The following EPHA6 variants were observed in gnomAD, a reference collection of about 807,000 sequenced individuals.
The protein encoded by EPHA6 is ephrin type-A receptor 6.
EPHA6 carries 50 observed loss-of-function variants against 112.0 expected under a neutral mutation model. The ratio of observed to expected loss-of-function variants is 0.45; its 90% CI spans 0.36 to 0.56. The LOEUF is 0.56. Ranked by LOEUF, EPHA6 falls within the 20% of genes least tolerant of loss-of-function variation. The pLI, the probability that EPHA6 is intolerant of heterozygous loss-of-function variation, is 0.00. For missense variants in EPHA6, 1,280 were observed against 1,417.4 expected (o/e 0.90, Z 1.56); for synonymous variants, 529 against 490.7 (o/e 1.08, Z -1.03).
chr3:96,840,649 G>A (rs1444257414), intron 1 of EPHA6, among the ~76,000 whole-genome samples: 3 of 152,040 alleles, frequency 2.0e-5, no homozygotes, highest in Non-Finnish European at 4.4e-5. Context: ...TGACACACTG[G>A]GTGAAGGTAC....
At chr3:97,361,845 G>T (rs1226498584) in intron 5 of EPHA6, among the ~76,000 whole-genome samples, 1 of 152,058 alleles carries the variant, frequency 6.6e-6, no homozygotes, top group East Asian at 1.9e-4. Flanking sequence ...GAGTTTTGAA[G>T]GCAATAAACA....
chr3:96,965,548 C>A (rs2042094549), intron 2 of EPHA6, among the ~76,000 whole-genome samples: 1 of 151,988 alleles, frequency 6.6e-6, no homozygotes, highest in African/African-American at 2.4e-5. Context: ...TGCAAGAATT[C>A]TTTATGTAGT....
chr3:97,082,639 A>C (rs1467853072), intron 3 of EPHA6, among the ~76,000 whole-genome samples: 1 of 151,888 alleles, frequency 6.6e-6, no homozygotes, highest in Non-Finnish European at 1.5e-5. Context: ...CGTTAGTATA[A>C]AATTCTACTA....
At chr3:97,488,877 C>A (rs1407172025) in intron 10 of EPHA6, among the ~76,000 whole-genome samples, 1 of 152,144 alleles carries the variant, frequency 6.6e-6, no homozygotes, top group Non-Finnish European at 1.5e-5. Flanking sequence ...TGTGCTTTTA[C>A]TCAATAATTT....
At position 97,405,278 on chromosome 3, in the gene EPHA6, G is replaced by T. The variant is rs758623391; in HGVS notation, c.1731+4G>T. The T allele has an allele frequency of 6.8e-6, 11 of 1,609,892 alleles. No individual in the cohort carries two copies. The highest frequency in any genetic ancestry group is 7.6e-6 in the Non-Finnish European group (9 of 1,177,858). Reference sequence around the variant, plus strand: ...CGAGATCAAGTACTATGAGAAAGTAGGTCTTATTTGGAGCTTCCTATAAAA... The same window carrying T: ...CGAGATCAAGTACTATGAGAAAGTATGTCTTATTTGGAGCTTCCTATAAAA... On this transcript the variant is annotated splice_donor_region_variant and intron_variant, in intron 6 of 17. Transcript: ENST00000389672.
chr3:96,870,079 G>C (rs963950307), intron 2 of EPHA6, among the ~76,000 whole-genome samples: 1 of 151,962 alleles, frequency 6.6e-6, no homozygotes, highest in Admixed American at 6.6e-5. Context: ...TATTGGTCAT[G>C]GTTCTTTAGA....
intron 15 of EPHA6, among the ~76,000 whole-genome samples, chr3:97,727,070 G>A (rs1250186374): frequency 7.2e-5 from 11 of 152,000 alleles, no homozygotes; most frequent in Non-Finnish European, 7.4e-5. Context: ...CCTGGGTATG[G>A]TATCATTTAG....
At chr3:97,264,289 T>C (rs1337464727) in intron 5 of EPHA6, among the ~76,000 whole-genome samples, 1 of 152,052 alleles carries the variant, frequency 6.6e-6, no homozygotes, top group Non-Finnish European at 1.5e-5. Flanking sequence ...AAGCGTGGAG[T>C]GGCAAGAAGC....
intron 3 of EPHA6, among the ~76,000 whole-genome samples, chr3:97,080,479 G>A (rs1192401989): frequency 6.6e-6 from 1 of 152,018 alleles, no homozygotes; most frequent in African/African-American, 2.4e-5. Flanking sequence ...AACTATTTTT[G>A]CAGGAGGCAT....
intron 3 of EPHA6, among the ~76,000 whole-genome samples, chr3:97,058,175 A>G (rs922494617): frequency 2.0e-5 from 3 of 152,166 alleles, no homozygotes; most frequent in Non-Finnish European, 2.9e-5. Context: ...ATGTTTACAT[A>G]TACAAAGGTA....
intron 3 of EPHA6, among the ~76,000 whole-genome samples, chr3:97,213,172 T>A (rs2077926286): frequency 6.6e-6 from 1 of 152,194 alleles, no homozygotes; most frequent in Non-Finnish European, 1.5e-5. Context: ...TCTGGTTTCC[T>A]GTGGTTTCTC....
At chr3:97,473,068 GT>G (rs2091272909) in intron 7 of EPHA6, among the ~76,000 whole-genome samples, 1 of 151,680 alleles carries the variant, frequency 6.6e-6, no homozygotes, top group Admixed American at 6.6e-5. Flanking sequence ...AATGACTGTT[GT>G]TCTTGTTGAA....
At chr3:97,288,062 A>T (rs1261029532) in intron 5 of EPHA6, among the ~76,000 whole-genome samples, 1 of 129,154 alleles carries the variant, frequency 7.7e-6, no homozygotes, top group Non-Finnish European at 1.5e-5. Context: ...GAGACGTAAA[A>T]AAAAAAAAGA....
At chr3:96,866,750 A>T in intron 1 of EPHA6, 75 bp from the exon 2 acceptor site, 5 of 787,790 alleles carry the variant, frequency 6.3e-6, no homozygotes, top group South Asian at 2.3e-5. Flanking sequence ...GATTTTTATT[A>T]TAACTTTAAT....
chr3:97,473,623 T>G (rs982693024), intron 7 of EPHA6, among the ~76,000 whole-genome samples: 2 of 151,888 alleles, frequency 1.3e-5, no homozygotes, highest in Non-Finnish European at 2.9e-5. Context: ...TAATGTTTTT[T>G]GGGTAAATGC....
At chr3:96,848,656 C>T (rs917935317) in intron 1 of EPHA6, among the ~76,000 whole-genome samples, 4 of 151,896 alleles carry the variant, frequency 2.6e-5, no homozygotes, top group African/African-American at 4.8e-5. Flanking sequence ...ATATTTTAAA[C>T]GTTTATTTGA....
Position 97,670,246 on chromosome 3 carries a change from A to T in EPHA6, c.2784+32164A>T, listed in dbSNP as rs2030668282. Among the ~76,000 whole-genome samples, 4 of 152,194 alleles carry T rather than the reference A, an allele frequency of 2.6e-5. No individual in the cohort carries two copies. In the South Asian group the frequency reaches 8.3e-4, roughly 31 times the overall value. On this transcript the variant is annotated intron_variant, in intron 14 of 17. Coordinates refer to ENST00000389672, the MANE Select transcript of EPHA6 (RefSeq NM_001080448.3). ...AAAACACCATAAATACAGCTAGATT[A>T]TGGAGTGATTAAATACAGGATAAAA...
chr3:97,316,173 A>G (rs1403158249), intron 5 of EPHA6, among the ~76,000 whole-genome samples: 1 of 151,906 alleles, frequency 6.6e-6, no homozygotes, highest in African/African-American at 2.4e-5. Flanking sequence ...AAGATATGGG[A>G]GAATATGAGC....
chr3:97,259,207 C>T lies in EPHA6; in HGVS notation c.1606+14920C>T, dbSNP rs139273473. On this transcript the variant is annotated intron_variant, in intron 5 of 17. Transcript: ENST00000389672. The stretch of plus-strand genomic sequence containing the variant: ...AATAAAAAATACACCACATTAAAAA[C>T]CTCACTATATCTGGTTCAAGTTGGC... Among the ~76,000 whole-genome samples the T allele has an allele frequency of 7.9e-3, 1,195 of 152,126 alleles. 11 individuals carry two copies. The highest frequency in any genetic ancestry group is 0.028 in the African/African-American group (1,145 of 41,506).
Sources: gnomAD v4.1 joint callset for allele counts (sites outside exome capture counted in the v4.1 genomes callset) on GRCh38, gnomAD v4.1.1 for gene constraint, MANE v1.5 for transcripts, NCBI Gene and HGNC (gene_info 2026-07-23, HGNC 2026-07-21) for gene names.